EPM2A: variants seen among roughly 807,000 people sequenced by gnomAD.
EPM2A encodes the protein EPM2A glucan phosphatase, laforin, also known as laforin.
A neutral mutation model predicts 26.5 loss-of-function variants in EPM2A; 21 were observed. The observed-to-expected ratio is 0.79, with a 90% CI of 0.56 to 1.14. The LOEUF is 1.14. Among genes scored for constraint, EPM2A ranks in the 50% most tolerant of loss-of-function variants. EPM2A has a pLI of 0.00. For missense variants in EPM2A, 458 were observed against 440.8 expected (o/e 1.04, Z -0.35); for synonymous variants, 217 against 177.6 (o/e 1.22, Z -1.76).
At chr6:145,705,970 A>C (rs1284896837) in intron 1 of EPM2A, 6 of 456,356 alleles carry the variant, frequency 1.3e-5, no homozygotes, top group South Asian at 9.3e-5. Context: ...TGTGATGGGA[A>C]TTCAAGCAAT....
At chr6:145,426,256 T>C (rs955863590) in intron 4 of EPM2A, among the ~76,000 whole-genome samples, 1 of 152,178 alleles carries the variant, frequency 6.6e-6, no homozygotes. Context: ...ATTAGAATCA[T>C]GGCAGTCTTC....
At chr6:145,725,835 T>C (rs575443689) in intron 1 of EPM2A, among the ~76,000 whole-genome samples, 1 of 152,076 alleles carries the variant, frequency 6.6e-6, no homozygotes, top group African/African-American at 2.4e-5. Context: ...GAGACTATCA[T>C]AATGAATACA....
At chr6:145,585,023 T>C (rs896893007) in intron 2 of EPM2A, among the ~76,000 whole-genome samples, 1 of 152,252 alleles carries the variant, frequency 6.6e-6, no homozygotes, top group Non-Finnish European at 1.5e-5. Flanking sequence ...TTCAGTACAC[T>C]AAATATATTG....
At chr6:145,687,613 C>T (rs923357541) in intron 1 of EPM2A, among the ~76,000 whole-genome samples, 1 of 152,076 alleles carries the variant, frequency 6.6e-6, no homozygotes, top group African/African-American at 2.4e-5. Flanking sequence ...AAATAAATCA[C>T]ATTTGTTATG....
chr6:145,645,897 C>A (rs1033295396), intron 2 of EPM2A, among the ~76,000 whole-genome samples: 1 of 152,092 alleles, frequency 6.6e-6, no homozygotes, highest in Non-Finnish European at 1.5e-5. Context: ...GTGCCCGGCC[C>A]TGGCAAAACT....
intron 1 of EPM2A, among the ~76,000 whole-genome samples, chr6:145,696,800 T>TGG (rs1781606375): frequency 6.6e-6 from 1 of 150,820 alleles, no homozygotes; most frequent in Admixed American, 6.6e-5. Flanking sequence ...TGTGTGTGTG[T>TGG]GTGTGTGTGT....
At chr6:145,704,004 T>A (rs1367012784) in intron 1 of EPM2A, among the ~76,000 whole-genome samples, 16 of 152,212 alleles carry the variant, frequency 1.1e-4, no homozygotes, top group Non-Finnish European at 1.2e-4. Flanking sequence ...ATTTTAAAAT[T>A]GTCATAAAGA....
At chr6:145,550,298 C>T (rs899271765) in intron 2 of EPM2A, among the ~76,000 whole-genome samples, 5 of 151,978 alleles carry the variant, frequency 3.3e-5, no homozygotes, top group Admixed American at 6.6e-5. Context: ...GAGAGGGCAA[C>T]ACAACATCCC....
chr6:145,563,144 C>G (rs1318665173), intron 2 of EPM2A, among the ~76,000 whole-genome samples: 1 of 151,560 alleles, frequency 6.6e-6, no homozygotes, highest in Non-Finnish European at 1.5e-5. Flanking sequence ...GGGGCCCAGG[C>G]AAGGGTCCCC....
chr6:145,720,010 T>G (rs1215764715), intron 1 of EPM2A, among the ~76,000 whole-genome samples: 1 of 152,220 alleles, frequency 6.6e-6, no homozygotes, highest in Non-Finnish European at 1.5e-5. Flanking sequence ...TTTAGTGTTT[T>G]TTTATGTTTC....
intron 4 of EPM2A, among the ~76,000 whole-genome samples, chr6:145,409,787 A>G (rs1244308217): frequency 2.6e-5 from 4 of 152,144 alleles, no homozygotes; most frequent in Non-Finnish European, 5.9e-5. Context: ...GAACAGCACT[A>G]GAGAATCCAC....
intron 3 of EPM2A, chr6:145,630,882 G>C (rs913514318): frequency 6.6e-6 from 1 of 152,190 alleles, no homozygotes; most frequent in African/African-American, 2.4e-5. Flanking sequence ...ATTGAGCACA[G>C]ACATTTGCCC....
intron 2 of EPM2A, among the ~76,000 whole-genome samples, chr6:145,597,595 T>C (rs1781365120): frequency 6.6e-6 from 1 of 152,138 alleles, no homozygotes; most frequent in African/African-American, 2.4e-5. Flanking sequence ...ACTTTTCTTT[T>C]AGGTTTGGGG....
At chr6:145,682,351 C>T (rs756306987) in intron 2 of EPM2A, 2 of 152,144 alleles carry the variant, frequency 1.3e-5, no homozygotes, top group Non-Finnish European at 2.9e-5. Context: ...GTGGAAGCTA[C>T]AATGCAAGAC....
Position 145,490,516 on chromosome 6 carries a change from C to G in EPM2A, c.555+12006G>C, listed in dbSNP as rs940915087. 14 of 716,900 alleles carry G rather than the reference C, an allele frequency of 2.0e-5. No homozygotes were observed. In the African/African-American group the frequency reaches 2.1e-4, roughly 11 times the overall value. The allele number at this position is 716,900 out of a possible 1,614,324, so 44.4% of individuals were successfully genotyped here. ...TCCAGAACAGTCAAACTGCTTCTCA[C>G]AGTACTGACATACATAAACTTTCTT... On this transcript the variant is annotated intron_variant, in intron 4 of 4. Coordinates refer to the EPM2A transcript ENST00000638717.
At chr6:145,507,782 T>G (rs561720148) in intron 2 of EPM2A, among the ~76,000 whole-genome samples, 1 of 152,288 alleles carries the variant, frequency 6.6e-6, no homozygotes, top group Admixed American at 6.5e-5. Context: ...AATTAGGCTC[T>G]CTCTCACCAC....
intron 2 of EPM2A, among the ~76,000 whole-genome samples, chr6:145,503,606 A>G (rs1287788828): frequency 2.1e-5 from 2 of 93,272 alleles, no homozygotes; most frequent in East Asian, 2.9e-4. Flanking sequence ...ACACAAACAA[A>G]TGGAAGAACA....
intron 2 of EPM2A, among the ~76,000 whole-genome samples, chr6:145,548,083 C>T (rs1168684846): frequency 4.6e-5 from 7 of 152,190 alleles, no homozygotes; most frequent in African/African-American, 1.7e-4. Context: ...TTTGCTCTTA[C>T]CATGTTCCTT....
intron 2 of EPM2A, among the ~76,000 whole-genome samples, chr6:145,531,390 T>C (rs1018322936): frequency 2.6e-5 from 4 of 152,176 alleles, no homozygotes; most frequent in Non-Finnish European, 4.4e-5. Flanking sequence ...AGGGGGATTA[T>C]GGGTAAAGAC....
Sources: allele counts gnomAD v4.1 joint callset (sites outside exome capture counted in the v4.1 genomes callset), GRCh38; gene constraint gnomAD v4.1.1; transcripts MANE v1.5; gene names NCBI Gene and HGNC (gene_info 2026-07-23, HGNC 2026-07-21).